MEI4: variants seen among roughly 807,000 people sequenced by gnomAD.
MEI4 encodes the protein meiotic double-stranded break formation protein 4, also known as meiosis-specific protein MEI4.
Under a neutral mutation model 31.4 loss-of-function variants are expected in MEI4, and 27 were observed. That is an observed-to-expected ratio of 0.86 (90% confidence interval 0.63 to 1.19). The LOEUF is 1.19. Ranked by LOEUF, MEI4 falls within the 50% of genes most tolerant of loss-of-function variation. MEI4 has a pLI of 0.00. For missense variants in MEI4, 329 were observed against 398.9 expected, an observed-to-expected ratio of 0.82 and a Z score of 1.49; for synonymous variants, 122 against 145.4, an observed-to-expected ratio of 0.84 and a Z score of 1.16.
At chr6:77,872,995 G>A (rs530777280) in intron 4 of MEI4, among the ~76,000 whole-genome samples, 3 of 151,374 alleles carry the variant, frequency 2.0e-5, no homozygotes, top group African/African-American at 4.9e-5. Context: ...GGACATTTGG[G>A]TTGGTTCCAA....
chr6:77,840,754 TTTC>T (rs2127714565), intron 4 of MEI4, among the ~76,000 whole-genome samples: 1 of 152,282 alleles, frequency 6.6e-6, no homozygotes, highest in East Asian at 1.9e-4. Flanking sequence ...TACCCATCTA[TTTC>T]TTTTTATAGA....
At chr6:77,842,482 A>G (rs753688633) in intron 4 of MEI4, among the ~76,000 whole-genome samples, 2 of 152,148 alleles carry the variant, frequency 1.3e-5, no homozygotes, top group South Asian at 2.1e-4. Context: ...AAACTAGAAT[A>G]GCAAGGAAAA....
chr6:77,852,201 C>T lies in MEI4; in HGVS notation c.900+23139C>T, dbSNP rs568216648. ...CAGAAAACCTTAGAGGGTCATGGGACGTGGCAAATGGTTAAAAACGAACAA... is the reference window on the plus strand; with the variant it reads ...CAGAAAACCTTAGAGGGTCATGGGATGTGGCAAATGGTTAAAAACGAACAA... On this transcript the variant is annotated intron_variant, in intron 4 of 4. Transcript: ENST00000684080. 7.2e-5 allele frequency among the ~76,000 whole-genome samples: 11 copies of T among 152,108 alleles called. No homozygotes were observed. In the East Asian group the frequency reaches 1.9e-3, roughly 27 times the overall value.
intron 4 of MEI4, among the ~76,000 whole-genome samples, chr6:77,837,476 A>G (rs186689660): frequency 3.0e-4 from 45 of 152,268 alleles, no homozygotes; most frequent in Middle Eastern, 3.4e-3. Context: ...CAGACAAACA[A>G]TGTGCCTGTA....
intron 2 of MEI4, among the ~76,000 whole-genome samples, chr6:77,742,589 T>C (rs1767445116): frequency 6.6e-6 from 1 of 152,170 alleles, no homozygotes; most frequent in South Asian, 2.1e-4. Flanking sequence ...CACTCTGACG[T>C]AGTTTCTTTT....
At chr6:77,758,919 C>T (rs988816091) in intron 2 of MEI4, among the ~76,000 whole-genome samples, 2 of 152,172 alleles carry the variant, frequency 1.3e-5, no homozygotes, top group African/African-American at 2.4e-5. Flanking sequence ...TCACTTACTT[C>T]CAGTCTTCAC....
chr6:77,831,883 C>T (rs1334603083), intron 4 of MEI4, among the ~76,000 whole-genome samples: 2 of 151,932 alleles, frequency 1.3e-5, no homozygotes, highest in Non-Finnish European at 2.9e-5. Context: ...GAAATTATAA[C>T]ATTTTTTATA....
intron 4 of MEI4, among the ~76,000 whole-genome samples, chr6:77,857,432 T>A (rs1770772397): frequency 6.6e-6 from 1 of 152,180 alleles, no homozygotes; most frequent in Non-Finnish European, 1.5e-5. Flanking sequence ...AATTTTCCAT[T>A]CACACAGCCA....
intron 1 of MEI4, among the ~76,000 whole-genome samples, chr6:77,686,524 A>G (rs973645947): frequency 2.6e-5 from 4 of 151,560 alleles, no homozygotes; most frequent in Non-Finnish European, 5.9e-5. Context: ...TTTATGTTTT[A>G]CTGTACATTT....
chr6:77,906,813 C>T (rs1766306308), intron 4 of MEI4, among the ~76,000 whole-genome samples: 1 of 152,084 alleles, frequency 6.6e-6, no homozygotes, highest in Admixed American at 6.6e-5. Flanking sequence ...GATTATGAAA[C>T]ACCTGGGAAG....
chr6:77,831,546 C>T (rs1441941559), intron 4 of MEI4, among the ~76,000 whole-genome samples: 2 of 150,952 alleles, frequency 1.3e-5, no homozygotes, highest in Admixed American at 1.3e-4. Flanking sequence ...ATATTCCTCT[C>T]TCTCTATATA....
intron 3 of MEI4, among the ~76,000 whole-genome samples, chr6:77,779,518 AAAT>A (rs879370182): frequency 4.6e-5 from 7 of 152,202 alleles, no homozygotes; most frequent in Admixed American, 4.6e-4. Flanking sequence ...AAATAATCCA[AAAT>A]AATAATTTAA....
intron 3 of MEI4, among the ~76,000 whole-genome samples, chr6:77,824,234 C>T (rs1023820713): frequency 3.9e-5 from 6 of 152,050 alleles, no homozygotes; most frequent in South Asian, 2.1e-4. Flanking sequence ...GGATTACAGG[C>T]GCGTGCCACC....
At chr6:77,801,335 G>T (rs928010171) in intron 3 of MEI4, among the ~76,000 whole-genome samples, 2 of 152,134 alleles carry the variant, frequency 1.3e-5, no homozygotes, top group African/African-American at 4.8e-5. Flanking sequence ...GATTGGTGGT[G>T]ATATCCCCTT....
rs563656803 is a variant in MEI4 at position 77,913,573 on chromosome 6, T to C, written c.901-9516T>C. ...CTCGAGATTATCCATTTTGTTAATG[T>C]ATAGTTGTTCATAATTGTCTGTGAT... On this transcript the variant is annotated intron_variant, in intron 4 of 4. Coordinates refer to ENST00000684080, the MANE Select transcript of MEI4 (RefSeq NM_001322247.2). Among the ~76,000 whole-genome samples, 5 of 152,244 alleles carry C rather than the reference T, an allele frequency of 3.3e-5. No individual in the cohort carries two copies. In the East Asian group the frequency reaches 7.7e-4, roughly 24 times the overall value.
rs1049229458 is a variant in MEI4, at chr6:77,771,221, A to C, written c.768+9556A>C. Reference sequence around the variant, plus strand: ...ATTACTAATCATTAGAGAAATGCAAATCAAAACCACAATGAGATACCATCT... The same window carrying C: ...ATTACTAATCATTAGAGAAATGCAACTCAAAACCACAATGAGATACCATCT... On this transcript the variant is annotated intron_variant, in intron 3 of 4. Coordinates refer to ENST00000684080, the MANE Select transcript of MEI4 (RefSeq NM_001322247.2). 6.6e-5 allele frequency among the ~76,000 whole-genome samples: 10 copies of C among 152,334 alleles called. No homozygotes were observed. The South Asian group carries it at 8.3e-4, about 13-fold the overall frequency.
At chr6:77,768,627 G>A (rs1421179608) in intron 3 of MEI4, among the ~76,000 whole-genome samples, 1 of 151,784 alleles carries the variant, frequency 6.6e-6, no homozygotes, top group Non-Finnish European at 1.5e-5. Context: ...TTGGACCTGG[G>A]AGGCAGAGGT....
At chr6:77,684,247 T>C (rs1302729154) in intron 1 of MEI4, among the ~76,000 whole-genome samples, 1 of 152,174 alleles carries the variant, frequency 6.6e-6, no homozygotes, top group Non-Finnish European at 1.5e-5. Context: ...CTTACGTTTT[T>C]TAAAAATTTT....
intron 2 of MEI4, among the ~76,000 whole-genome samples, chr6:77,692,541 A>G (rs1024336130): frequency 1.3e-5 from 2 of 152,016 alleles, no homozygotes; most frequent in African/African-American, 2.4e-5. Flanking sequence ...AAGCCTACAT[A>G]AGGAATAGTG....
Sources: allele counts gnomAD v4.1 joint callset (sites outside exome capture counted in the v4.1 genomes callset), GRCh38; gene constraint gnomAD v4.1.1; transcripts MANE v1.5; gene names NCBI Gene and HGNC (gene_info 2026-07-23, HGNC 2026-07-21).